MAP2K4: variants seen among roughly 807,000 people sequenced by gnomAD.
MAP2K4 encodes dual specificity mitogen-activated protein kinase kinase 4.
In MAP2K4, 4 loss-of-function variants were observed where a neutral mutation model predicts 48.5. The observed-to-expected ratio is 0.08, with a 90% confidence interval of 0.04 to 0.19. The LOEUF is 0.19. MAP2K4 is among the 10% of genes least tolerant of loss of function. MAP2K4 has a pLI of 1.00. For missense variants in MAP2K4, 258 were observed against 493.3 expected (o/e 0.52, Z 4.52); for synonymous variants, 166 against 173.1 (o/e 0.96, Z 0.32).
Position 12,141,352 on chromosome 17 carries a change from G to A in MAP2K4, c.*92G>A, listed in dbSNP as rs1567679654. 6 of 871,492 alleles carry A rather than the reference G, an allele frequency of 6.9e-6. No homozygotes were observed. Among genetic ancestry groups the A allele is most frequent in the East Asian group, 2.4e-5 (1 of 41,056 alleles). The allele number at this position is 871,492 out of a possible 1,614,324, so 54.0% of individuals were successfully genotyped here. ...CCGTATCACAGTGTTTTTATTGCTC[G>A]CCCAGACACCATGTGCAATAAGATT... On this transcript the variant is annotated 3_prime_UTR_variant, in exon 11 of 11. Coordinates refer to ENST00000353533, the MANE Select transcript of MAP2K4 (RefSeq NM_003010.4).
intron 2 of MAP2K4, among the ~76,000 whole-genome samples, chr17:12,057,118 C>CT (rs1254288581): frequency 6.6e-6 from 1 of 151,920 alleles, no homozygotes; most frequent in African/African-American, 2.4e-5. Flanking sequence ...AGACAGTGTT[C>CT]TTTTTTTCTG....
chr17:12,023,752 T>C (rs2151504155), intron 1 of MAP2K4, among the ~76,000 whole-genome samples: 1 of 152,298 alleles, frequency 6.6e-6, no homozygotes, highest in East Asian at 1.9e-4. Flanking sequence ...TCTGGAGTTC[T>C]GGGTTTGAAT....
At chr17:12,038,728 G>A (rs181859352) in intron 1 of MAP2K4, among the ~76,000 whole-genome samples, 2 of 152,232 alleles carry the variant, frequency 1.3e-5, no homozygotes, top group East Asian at 3.9e-4. Flanking sequence ...GCAGCCTTAT[G>A]AAGTAGGTAT....
chr17:12,143,789 A>G lies in MAP2K4; in HGVS notation c.*2529A>G, dbSNP rs191257357. 36 of 227,256 alleles carry G rather than the reference A, an allele frequency of 1.6e-4. No individual in the cohort carries two copies. The highest frequency in any genetic ancestry group is 7.3e-4 in the African/African-American group (33 of 45,172). 14.1% of individuals were successfully genotyped at this position (227,256 alleles called of 1,614,324 possible). On this transcript the variant is annotated 3_prime_UTR_variant, in exon 11 of 11. Coordinates refer to ENST00000353533, the MANE Select transcript of MAP2K4 (RefSeq NM_003010.4). ...CCTGAGAGGGGAAAATCTTAAAGTA[A>G]ATTACATTAAATTATCTGTGCATTT...
chr17:12,036,069 C>T (rs192574646), intron 1 of MAP2K4, among the ~76,000 whole-genome samples: 13 of 152,262 alleles, frequency 8.5e-5, no homozygotes, highest in African/African-American at 2.9e-4. Context: ...CACTCTGCTC[C>T]TCACAGTCTT....
intron 7 of MAP2K4, among the ~76,000 whole-genome samples, chr17:12,119,132 TAAC>T (rs1972592928): frequency 1.3e-5 from 2 of 152,160 alleles, no homozygotes; most frequent in Middle Eastern, 3.2e-3. Context: ...AGGATGATGT[TAAC>T]AACGAGGAAG....
chr17:12,116,497 A>C (rs1024833622), intron 7 of MAP2K4, among the ~76,000 whole-genome samples: 7 of 152,228 alleles, frequency 4.6e-5, no homozygotes, highest in Admixed American at 1.3e-4. Flanking sequence ...TAATTAAAAA[A>C]AATTTTTTTT....
chr17:12,044,059 C>T (rs1042747817), intron 1 of MAP2K4, among the ~76,000 whole-genome samples: 8 of 152,014 alleles, frequency 5.3e-5, no homozygotes, highest in African/African-American at 1.9e-4. Context: ...TTGAAAGGGC[C>T]ACATTATCGG....
At chr17:12,137,025 G>A (rs145264448) in intron 9 of MAP2K4, among the ~76,000 whole-genome samples, 492 of 152,286 alleles carry the variant, frequency 3.2e-3, no homozygotes, top group Admixed American at 7.2e-3. Flanking sequence ...GACTGGAACT[G>A]TAATTGTCCT....
At chr17:12,068,007 TTGAG>T (rs1419999511) in intron 2 of MAP2K4, among the ~76,000 whole-genome samples, 2 of 152,152 alleles carry the variant, frequency 1.3e-5, no homozygotes, top group African/African-American at 4.8e-5. Context: ...GCTTCTAAAC[TTGAG>T]TGAGTTTTAC....
intron 1 of MAP2K4, among the ~76,000 whole-genome samples, chr17:12,041,037 T>A (rs1349268882): frequency 2.0e-5 from 3 of 152,272 alleles, no homozygotes; most frequent in African/African-American, 7.2e-5. Flanking sequence ...TCTCATGTAC[T>A]GTATACACAT....
chr17:12,076,389 C>T (rs1280590452), intron 2 of MAP2K4, among the ~76,000 whole-genome samples: 1 of 149,404 alleles, frequency 6.7e-6, no homozygotes, highest in African/African-American at 2.5e-5. Flanking sequence ...GAAGGGACAA[C>T]AACTAAAATA....
intron 3 of MAP2K4, among the ~76,000 whole-genome samples, chr17:12,088,078 G>A (rs1266441523): frequency 1.3e-5 from 2 of 152,088 alleles, no homozygotes; most frequent in African/African-American, 4.8e-5. Flanking sequence ...TCCAACTTTG[G>A]TTTCTAGGAT....
At chr17:12,037,453 A>G (rs1969636492) in intron 1 of MAP2K4, among the ~76,000 whole-genome samples, 2 of 152,136 alleles carry the variant, frequency 1.3e-5, no homozygotes, top group African/African-American at 4.8e-5. Flanking sequence ...TAAAACTAAG[A>G]ACTTAGAAAA....
At chr17:12,088,573 A>ATT (rs1376710634) in intron 3 of MAP2K4, among the ~76,000 whole-genome samples, 1 of 135,074 alleles carries the variant, frequency 7.4e-6, no homozygotes, top group Non-Finnish European at 1.6e-5. Context: ...TATTAAATAT[A>ATT]TAATATATAA....
intron 3 of MAP2K4, among the ~76,000 whole-genome samples, chr17:12,092,862 T>C (rs563436586): frequency 6.6e-6 from 1 of 152,182 alleles, no homozygotes; most frequent in East Asian, 1.9e-4. Flanking sequence ...CCGTCTCTAC[T>C]AAAAATACAA....
chr17:12,076,960 G>A (rs948941131), intron 2 of MAP2K4, among the ~76,000 whole-genome samples: 10 of 152,014 alleles, frequency 6.6e-5, no homozygotes, highest in African/African-American at 2.4e-4. Context: ...TAGAGAACTT[G>A]GAATGACTTA....
chr17:12,111,933 C>T (rs1972320010), intron 6 of MAP2K4, among the ~76,000 whole-genome samples: 1 of 152,070 alleles, frequency 6.6e-6, no homozygotes. Context: ...ATGTGGCTGC[C>T]TCGTGAAGAA....
At chr17:12,025,246 ACT>A (rs1456806654) in intron 1 of MAP2K4, among the ~76,000 whole-genome samples, 7 of 152,248 alleles carry the variant, frequency 4.6e-5, no homozygotes, top group Admixed American at 2.0e-4. Flanking sequence ...ACTTTTCTCA[ACT>A]CTCTGTTCAG....
Sources: gnomAD v4.1 joint callset for allele counts (sites outside exome capture counted in the v4.1 genomes callset) on GRCh38, gnomAD v4.1.1 for gene constraint, MANE v1.5 for transcripts, NCBI Gene and HGNC (gene_info 2026-07-23, HGNC 2026-07-21) for gene names.